PRRC2C: variants seen among roughly 807,000 people sequenced by gnomAD.
PRRC2C encodes the protein proline rich coiled-coil 2C.
A neutral mutation model predicts 317.2 loss-of-function variants in PRRC2C; 72 were observed. That is an observed-to-expected ratio of 0.23 (90% confidence interval 0.19 to 0.28). The LOEUF (loss-of-function observed/expected upper bound fraction) is 0.28, where lower values mean the gene tolerates loss of function less well. PRRC2C is among the 10% of genes least tolerant of loss of function. The pLI is 1.00. For missense variants in PRRC2C, 3,074 were observed against 3,459.7 expected, an observed-to-expected ratio of 0.89 and a Z score of 2.80; for synonymous variants, 1,296 against 1,205.9, an observed-to-expected ratio of 1.07 and a Z score of -1.55.
intron 18 of PRRC2C, 89 bp from the exon 19 acceptor site, chr1:171,557,151 A>T: frequency 6.9e-7 from 1 of 1,454,270 alleles, no homozygotes; most frequent in African/African-American, 1.4e-5. Flanking sequence ...TAAAGGAGCC[A>T]AGTTAGTGGG....
chr1:171,592,792 T>C lies in PRRC2C; in HGVS notation c.*945T>C, dbSNP rs1651675273. On this transcript the variant is annotated 3_prime_UTR_variant, in exon 35 of 35. Transcript: ENST00000647382. ...CTGTGCCACTAATTAAAGGAAATCC[T>C]AAGAAGGTGCATTTCTTTACAGAGC... is the stretch of plus-strand genomic sequence containing the variant. 6.6e-6 allele frequency: 1 copy of C among 152,174 alleles called. No individual in the cohort carries two copies. The highest frequency in any genetic ancestry group is 2.1e-4 in the South Asian group (1 of 4,828). 9.4% of individuals were successfully genotyped at this position (152,174 alleles called of 1,614,324 possible).
chr1:171,575,030 G>GT lies in PRRC2C; in HGVS notation c.6858dup (p.Ala2287CysfsTer8). On this transcript the variant is annotated frameshift_variant, in exon 25 of 35. Transcript: ENST00000647382. LOFTEE classifies it high-confidence loss of function. ...CCAATTGCAACTGGAGTCAGCAGTA[G>GT]TGCCAGTGGACCAAGCACTGCTAAT... 6.2e-7 allele frequency: 1 copy of GT among 1,613,906 alleles called. No individual in the cohort carries two copies. The highest frequency in any genetic ancestry group is 8.5e-7 in the Non-Finnish European group (1 of 1,179,854).
intron 15 of PRRC2C, 51 bp from the exon 16 acceptor site, chr1:171,539,920 C>A: frequency 6.9e-7 from 1 of 1,444,286 alleles, no homozygotes; most frequent in South Asian, 1.3e-5. Flanking sequence ...TATACTTACG[C>A]ATGGGAAAGA....
chr1:171,565,192 C>CT (rs1217349783), intron 20 of PRRC2C, among the ~76,000 whole-genome samples: 1 of 152,118 alleles, frequency 6.6e-6, no homozygotes, highest in African/African-American at 2.4e-5. Context: ...TGTTCTTGAC[C>CT]TTTACCCTAG....
At chr1:171,549,995 T>G in intron 17 of PRRC2C, 91 bp from the exon 18 acceptor site, 2 of 1,102,104 alleles carry the variant, frequency 1.8e-6, no homozygotes. Flanking sequence ...GCTAGTTTTT[T>G]TTTTTTTTTT....
intron 24 of PRRC2C, among the ~76,000 whole-genome samples, 175 bp downstream of exon 24, chr1:171,571,596 A>G (rs1324992354): frequency 1.3e-5 from 2 of 152,212 alleles, no homozygotes; most frequent in African/African-American, 4.8e-5. Context: ...TGATACCACT[A>G]AGTGGTGACG....
Position 171,517,574 on chromosome 1 carries a change from C to G in PRRC2C, c.527-17C>G, listed in dbSNP as rs753197655. 1 of 1,572,194 alleles carries G rather than the reference C, an allele frequency of 6.4e-7. No homozygotes were observed. Among genetic ancestry groups the G allele is most frequent in the Non-Finnish European group, 8.6e-7 (1 of 1,157,086 alleles). The stretch of plus-strand genomic sequence containing the variant: ...CAGATTTTTATCTTTTTCCTTTTTT[C>G]TCTGCCTTCATACTAGATGTTGCTT... On this transcript the variant is annotated splice_polypyrimidine_tract_variant and intron_variant, in intron 5 of 34. Coordinates refer to ENST00000647382, the MANE Select transcript of PRRC2C (RefSeq NM_001387844.1).
chr1:171,520,558 A>C (rs2102326417), intron 6 of PRRC2C, among the ~76,000 whole-genome samples: 1 of 152,332 alleles, frequency 6.6e-6, no homozygotes, highest in Admixed American at 6.5e-5. Flanking sequence ...GCAAATTCCT[A>C]GATTTTAAGC....
chr1:171,536,311 A>G (rs1259491345), intron 14 of PRRC2C, 33 bp downstream of exon 14: 1 of 1,588,432 alleles, frequency 6.3e-7, no homozygotes, highest in South Asian at 1.1e-5. Context: ...GTTTTACAGG[A>G]TCAAAATTTT....
chr1:171,583,848 C>A, intron 28 of PRRC2C, 108 bp from the exon 29 acceptor site: 1 of 875,200 alleles, frequency 1.1e-6, no homozygotes. Context: ...ACTAAAATGT[C>A]ATGCAGCACA....
At chr1:171,551,541 C>T (rs1029979683) in intron 18 of PRRC2C, among the ~76,000 whole-genome samples, 20 of 152,184 alleles carry the variant, frequency 1.3e-4, no homozygotes, top group Non-Finnish European at 4.4e-5. Context: ...TTTCCCATGC[C>T]TATATCCTGA....
At chr1:171,524,058 T>C (rs1237500713) in intron 9 of PRRC2C, among the ~76,000 whole-genome samples, 2 of 151,876 alleles carry the variant, frequency 1.3e-5, no homozygotes, top group Non-Finnish European at 2.9e-5. Flanking sequence ...GATATTTAGA[T>C]GCTTGGCACC....
intron 11 of PRRC2C, among the ~76,000 whole-genome samples, chr1:171,532,092 G>A (rs1234066756): frequency 1.3e-5 from 2 of 152,172 alleles, no homozygotes; most frequent in African/African-American, 4.8e-5. Flanking sequence ...TACTGAATGA[G>A]CAACAACGTC....
chr1:171,512,579 G>C, intron 2 of PRRC2C: 1 of 256,028 alleles, frequency 3.9e-6, no homozygotes, highest in Non-Finnish European at 7.7e-6. Context: ...GGGTGTGTGT[G>C]TGTGTGTGTT....
At chr1:171,561,248 A>T (rs867321885) in intron 20 of PRRC2C, 145 bp downstream of exon 20, 3 of 773,246 alleles carry the variant, frequency 3.9e-6, no homozygotes, top group Admixed American at 1.9e-5. Flanking sequence ...TGGGCAACAT[A>T]GTGAGACCCG....
chr1:171,537,809 G>A (rs986348205), intron 15 of PRRC2C, among the ~76,000 whole-genome samples: 30 of 152,162 alleles, frequency 2.0e-4, no homozygotes, highest in Admixed American at 3.3e-4. Context: ...AGGCTCAAGT[G>A]ATCGGCTTAC....
intron 31 of PRRC2C, 97 bp from the exon 32 acceptor site, chr1:171,587,551 C>T (rs755128589): frequency 4.5e-5 from 38 of 839,742 alleles, no homozygotes; most frequent in Non-Finnish European, 6.0e-5. Flanking sequence ...GTTCTTTGCC[C>T]TTTCCTAGAT....
Position 171,541,172 on chromosome 1 carries a change from G to A in PRRC2C, c.3706G>A (p.Gly1236Arg), listed in dbSNP as rs961814295. Residue 1236 changes from glycine to arginine, a missense_variant, in exon 16 of 35, where the codon GGG (glycine) becomes AGG (arginine). Around this residue, in one of 11 missense-constraint regions of PRRC2C, gnomAD observed 1,320 missense variants for 1,395.7 expected, o/e 0.95. Transcript: ENST00000647382. This position sits in a 1 kb window ranked among gnomAD's most constrained non-coding sequence, Gnocchi z 4.1. The stretch of plus-strand genomic sequence containing the variant: ...GCCAAGAGCAGAGCATATACCCTCA[G>A]GGCCTCTCAGACAGCGAGAAGAAAG... Reference protein sequence around the residue: ...NKPRAEHIPSGPLRQREESET... With the variant: ...NKPRAEHIPSRPLRQREESET... The A allele has an allele frequency of 1.2e-6, 2 of 1,612,942 alleles. No homozygotes were observed. The highest frequency in any genetic ancestry group is 1.3e-5 in the African/African-American group (1 of 74,834).
chr1:171,520,120 G>A (rs907634363), intron 6 of PRRC2C, among the ~76,000 whole-genome samples: 4 of 152,066 alleles, frequency 2.6e-5, no homozygotes, highest in South Asian at 2.1e-4. Flanking sequence ...ACGCCATCAC[G>A]CCCAGCTAAT....
Sources: allele counts gnomAD v4.1 joint callset (sites outside exome capture counted in the v4.1 genomes callset), GRCh38; gene constraint gnomAD v4.1.1; regional missense constraint gnomAD v4.1.1; non-coding constraint Gnocchi (gnomAD v3.1); transcripts MANE v1.5; gene names NCBI Gene and HGNC (gene_info 2026-07-23, HGNC 2026-07-21).